The following FAM53C variants were observed in gnomAD, a reference collection of about 807,000 sequenced individuals.
FAM53C encodes the protein family with sequence similarity 53 member C.
A neutral mutation model predicts 34.7 loss-of-function variants in FAM53C; 10 were observed. The ratio of observed to expected loss-of-function variants is 0.29; its 90% CI spans 0.18 to 0.49. The LOEUF (loss-of-function observed/expected upper bound fraction) is 0.49, where lower values mean the gene tolerates loss of function less well. Ranked by LOEUF, FAM53C falls within the 20% of genes least tolerant of loss-of-function variation. The pLI is 0.99. For synonymous variants in FAM53C, 203 were observed against 203.6 expected (o/e 1.00, Z 0.03); for missense variants, 442 against 515.3 (o/e 0.86, Z 1.38).
At chr5:138,338,984 C>T (rs1032602057) in intron 1 of FAM53C, among the ~76,000 whole-genome samples, 5 of 152,054 alleles carry the variant, frequency 3.3e-5, no homozygotes, top group African/African-American at 9.7e-5. Flanking sequence ...TACTGCCATC[C>T]AATAGGAGAT....
In FAM53C at chr5:138,341,358, A is replaced by G; in HGVS notation, c.23A>G (p.Gln8Arg). 1 of 1,614,182 alleles carries G rather than the reference A, an allele frequency of 6.2e-7. No individual in the cohort carries two copies. The highest frequency in any genetic ancestry group is 1.1e-5 in the South Asian group (1 of 91,090). MITLITE[Q>R]LQKQTLDELK... Reference sequence around the variant, plus strand: ...ATCATGATAACCCTGATCACTGAGCAGCTACAGAAGCAGACTCTGGATGAG... The same window carrying G: ...ATCATGATAACCCTGATCACTGAGCGGCTACAGAAGCAGACTCTGGATGAG... Residue 8 changes from glutamine (Q) to arginine (R), a missense_variant, in exon 2 of 5, where the codon CAG becomes CGG. Gln to Arg is a conservative substitution (Grantham distance 43). Coordinates refer to ENST00000239906, the MANE Select transcript of FAM53C (RefSeq NM_016605.3).
chr5:138,338,182 C>G (rs1452502835), upstream of FAM53C: 1 of 1,288,678 alleles, frequency 7.8e-7, no homozygotes, highest in Non-Finnish European at 1.0e-6. Flanking sequence ...TTCTGCGAGC[C>G]GGAGCTGTCC....
intron 1 of FAM53C, among the ~76,000 whole-genome samples, chr5:138,339,521 C>T (rs923731190): frequency 6.6e-6 from 1 of 152,150 alleles, no homozygotes; most frequent in Non-Finnish European, 1.5e-5. Context: ...GTCCAAATGC[C>T]TCATGAAAAG....
Position 138,347,852 on chromosome 5 carries a change from G to A in FAM53C, c.*893G>A, listed in dbSNP as rs1561747058. 1.4e-5 allele frequency: 1 copy of A among 73,740 alleles called. No homozygotes were observed. The highest frequency in any genetic ancestry group is 3.3e-5 in the Non-Finnish European group (1 of 30,594). The allele number at this position is 73,740 out of a possible 1,614,324, so 4.6% of individuals were successfully genotyped here. A position where few individuals can be genotyped will look rare whatever the true frequency, so the allele number is the denominator to read the frequency against. On this transcript the variant is annotated 3_prime_UTR_variant, in exon 5 of 5. Transcript: ENST00000239906. ...TGGGCAACTGAAGCAGGGTTGAGGG[G>A]CTCTCTCTCTCTCTCCTCTGCTGAT...
chr5:138,347,133 GCCGGGA>G lies in FAM53C; in HGVS notation c.*176_*181del. 1 of 890,942 alleles carries G rather than the reference GCCGGGA, an allele frequency of 1.1e-6. No individual in the cohort carries two copies. The highest frequency in any genetic ancestry group is 1.7e-6 in the Non-Finnish European group (1 of 591,016). The allele number at this position is 890,942 out of a possible 1,614,324, so 55.2% of individuals were successfully genotyped here. A position where few individuals can be genotyped will look rare whatever the true frequency, so the allele number is the denominator to read the frequency against. On this transcript the variant is annotated 3_prime_UTR_variant, in exon 5 of 5. Transcript: ENST00000239906. Reference sequence around the variant, plus strand: ...CAAGCTCGACCATGCCAAGAGACTGGCCGGGACAAGATAAACGGAGCTGGTGGCGGG... The same window carrying G: ...CAAGCTCGACCATGCCAAGAGACTGGCAAGATAAACGGAGCTGGTGGCGGG...
intron 3 of FAM53C, chr5:138,343,131 T>C (rs1327857774): frequency 6.6e-6 from 1 of 152,196 alleles, no homozygotes; most frequent in African/African-American, 2.4e-5. Context: ...TACATATTAT[T>C]ACACTGCATA....
chr5:138,341,752 A>C, intron 2 of FAM53C, 57 bp from the exon 3 acceptor site: 2 of 1,517,360 alleles, frequency 1.3e-6, no homozygotes, highest in Non-Finnish European at 1.8e-6. Context: ...AGGGCTTCCT[A>C]GAAATCTGTC....
At chr5:138,339,584 G>A (rs1324275320) in intron 1 of FAM53C, among the ~76,000 whole-genome samples, 2 of 152,188 alleles carry the variant, frequency 1.3e-5, no homozygotes, top group Non-Finnish European at 2.9e-5. Flanking sequence ...CCTGAGGCCT[G>A]GGGTCTCTAG....
rs190519005 is a variant in FAM53C at position 138,345,880 on chromosome 5, A to G, written c.921+271A>G. On this transcript the variant is annotated intron_variant, in intron 4 of 4. Coordinates refer to ENST00000239906, the MANE Select transcript of FAM53C (RefSeq NM_016605.3). The surrounding 1 kb of genome is among the most constrained non-coding windows in gnomAD (Gnocchi z 6.3). ...GTTAAACCTTCCAACAGAGATCCCAAATTGTCCTGCAAGAGGTACTTTCCC... is the reference window on the plus strand; with the variant it reads ...GTTAAACCTTCCAACAGAGATCCCAGATTGTCCTGCAAGAGGTACTTTCCC... Among the ~76,000 whole-genome samples the G allele has an allele frequency of 4.3e-4, 65 of 152,324 alleles. No individual in the cohort carries two copies. Among genetic ancestry groups the G allele is most frequent in the African/African-American group, 1.5e-3 (63 of 41,568 alleles).
chr5:138,338,284 G>A lies in FAM53C; in HGVS notation c.-176G>A, dbSNP rs1188577123. 29 of 839,334 alleles carry A rather than the reference G, an allele frequency of 3.5e-5. No individual in the cohort carries two copies. The highest frequency in any genetic ancestry group is 3.5e-5 in the Non-Finnish European group (20 of 578,918). 52.0% of individuals were successfully genotyped at this position (839,334 alleles called of 1,614,324 possible). Reference sequence around the variant, plus strand: ...AGCGCTCAGAGCTGCTCCGGCCGCGGCCCTGGGAGCTGGAGGAACCGCGGT... The same window carrying A: ...AGCGCTCAGAGCTGCTCCGGCCGCGACCCTGGGAGCTGGAGGAACCGCGGT... On this transcript the variant is annotated 5_prime_UTR_variant, in exon 1 of 5. Transcript: ENST00000239906.
chr5:138,347,934 C>T lies in FAM53C; in HGVS notation c.*975C>T, dbSNP rs1761227692. ...TAAGTCATAGACTAGGTAGGAAGGC[C>T]CTATATTGGTCCCCAGCATCTACTG... On this transcript the variant is annotated 3_prime_UTR_variant, in exon 5 of 5. Coordinates refer to ENST00000239906, the MANE Select transcript of FAM53C (RefSeq NM_016605.3). 1.3e-5 allele frequency: 2 copies of T among 152,256 alleles called. 1 individual carries two copies. The highest frequency in any genetic ancestry group is 4.1e-4 in the South Asian group (2 of 4,820). 9.4% of individuals were successfully genotyped at this position (152,256 alleles called of 1,614,324 possible).
intron 1 of FAM53C, 139 bp downstream of exon 1, chr5:138,338,446 G>A: frequency 3.0e-6 from 1 of 331,956 alleles, no homozygotes; most frequent in Non-Finnish European, 5.9e-6. Context: ...GGGAGAGCAC[G>A]GGACCCGGTG....
chr5:138,344,783 T>C lies in FAM53C; in HGVS notation c.137-42T>C, dbSNP rs377596269. On this transcript the variant is annotated intron_variant, in intron 3 of 4. Coordinates refer to ENST00000239906, the MANE Select transcript of FAM53C (RefSeq NM_016605.3). ...GCAAATGGTAAGTTCTTAAAAAATG[T>C]AAGCTATCATTAATATTATTCTTAT... 3.4e-5 allele frequency: 50 copies of C among 1,468,932 alleles called. No individual in the cohort carries two copies. In the African/African-American group the frequency reaches 5.7e-4, roughly 17 times the overall value. 91.0% of individuals were successfully genotyped at this position (1,468,932 alleles called of 1,614,324 possible).
intron 3 of FAM53C, chr5:138,342,555 C>G (rs1330953865): frequency 1.3e-5 from 2 of 152,118 alleles, no homozygotes; most frequent in East Asian, 3.8e-4. Context: ...TGGAGAAACC[C>G]CATCTCTACT....
intron 4 of FAM53C, among the ~76,000 whole-genome samples, 170 bp from the exon 5 acceptor site, chr5:138,346,529 CAGG>C (rs1039772467): frequency 1.9e-4 from 29 of 152,216 alleles, no homozygotes; most frequent in African/African-American, 6.7e-4. Flanking sequence ...GAGGCTGAGG[CAGG>C]AGAATGGCGT....
intron 1 of FAM53C, among the ~76,000 whole-genome samples, chr5:138,338,938 C>CAT (rs1561739879): frequency 6.6e-6 from 1 of 152,120 alleles, no homozygotes; most frequent in Non-Finnish European, 1.5e-5. Context: ...TGGTACAGCA[C>CAT]AACCTCAGCA....
In FAM53C at chr5:138,347,612, G is replaced by C. The variant is rs1761217837; in HGVS notation, c.*653G>C. On this transcript the variant is annotated 3_prime_UTR_variant, in exon 5 of 5. Transcript: ENST00000239906. ...CCGACTCTGCAAAGGATTTCATTTT[G>C]GGGTACAGCAGGGTGTTTTAAGTGC... 6.5e-6 allele frequency: 1 copy of C among 152,984 alleles called. No individual in the cohort carries two copies. Among genetic ancestry groups the C allele is most frequent in the Admixed American group, 6.5e-5 (1 of 15,388 alleles). The allele number at this position is 152,984 out of a possible 1,614,324, so 9.5% of individuals were successfully genotyped here.
In FAM53C at chr5:138,345,303, C is replaced by T; in HGVS notation, c.615C>T (p.Pro205=). 1.9e-6 allele frequency: 3 copies of T among 1,614,240 alleles called. No individual in the cohort carries two copies. Among genetic ancestry groups the T allele is most frequent in the Non-Finnish European group, 2.5e-6 (3 of 1,180,034 alleles). The part of the protein sequence containing the change: ...SLALAQDSSR[P]CAASPQSGSW... ...CCCTGGCCCAAGATTCCTCTCGACC[C>T]TGCGCCGCCTCCCCTCAAAGTGGCT... Residue 205 remains proline (P), a synonymous_variant, in exon 4 of 5, where the codon CCC becomes CCT. Transcript: ENST00000239906. The surrounding 1 kb of genome is among the most constrained non-coding windows in gnomAD (Gnocchi z 6.3).
intron 3 of FAM53C, among the ~76,000 whole-genome samples, chr5:138,344,035 G>A (rs1761102710): frequency 6.6e-6 from 1 of 152,156 alleles, no homozygotes; most frequent in South Asian, 2.1e-4. Context: ...CCCTTAATGA[G>A]CCGTCTCCCA....
Sources: gnomAD v4.1 joint callset for allele counts (sites outside exome capture counted in the v4.1 genomes callset) on GRCh38, gnomAD v4.1.1 for gene constraint, Gnocchi (gnomAD v3.1) non-coding constraint, MANE v1.5 for transcripts, NCBI Gene and HGNC (gene_info 2026-07-23, HGNC 2026-07-21) for gene names.